MGST1: variants seen among roughly 807,000 people sequenced by gnomAD.
The protein encoded by MGST1 is microsomal glutathione S-transferase 1.
Under a neutral mutation model 8.9 loss-of-function variants are expected in MGST1, and 5 were observed. That is an observed-to-expected ratio of 0.56 (90% CI 0.29 to 1.19). The LOEUF (loss-of-function observed/expected upper bound fraction) is 1.19. Ranked by LOEUF, MGST1 falls within the 50% of genes most tolerant of loss-of-function variation. The pLI is 0.08. For synonymous variants in MGST1, 54 were observed against 67.8 expected, an observed-to-expected ratio of 0.80 and a Z score of 1.00; for missense variants, 182 against 187.4, an observed-to-expected ratio of 0.97 and a Z score of 0.17.
In MGST1 at chr12:16,389,813, G is replaced by C. The variant is rs559646666; in HGVS notation, n.778+6209G>C. Among the ~76,000 whole-genome samples the C allele has an allele frequency of 1.4e-4, 21 of 152,132 alleles. No homozygotes were observed. The highest frequency in any genetic ancestry group is 2.9e-4 in the Non-Finnish European group (20 of 68,016). Reference sequence around the variant, plus strand: ...CTGGGAGTGAGGCATGAGATCTCTCGGTAGAGGCAAAATAGAGTGATGAGA... The same window carrying C: ...CTGGGAGTGAGGCATGAGATCTCTCCGTAGAGGCAAAATAGAGTGATGAGA... On this transcript the variant is annotated intron_variant and non_coding_transcript_variant, in intron 1 of 1. Transcript: ENST00000359720. The surrounding 1 kb of genome is among the most constrained non-coding windows in gnomAD (Gnocchi z 4.6).
intron 4 of MGST1, among the ~76,000 whole-genome samples, chr12:16,539,902 G>A (rs904558537): frequency 1.3e-5 from 2 of 152,152 alleles, no homozygotes; most frequent in South Asian, 2.1e-4. Flanking sequence ...ATTTTAATCT[G>A]CAACTCCTCT....
intron 4 of MGST1, among the ~76,000 whole-genome samples, chr12:16,509,562 G>C (rs1050056331): frequency 2.1e-5 from 3 of 145,662 alleles, no homozygotes; most frequent in Non-Finnish European, 4.7e-5. Context: ...AAACTGGGTG[G>C]ACGCCAATTG....
chr12:16,406,824 A>C lies in MGST1; in HGVS notation n.778+23220A>C, dbSNP rs576329587. Among the ~76,000 whole-genome samples the C allele has an allele frequency of 5.6e-4, 86 of 152,334 alleles. 1 individual carries two copies. The highest frequency in any genetic ancestry group is 2.1e-3 in the African/African-American group (86 of 41,586). On this transcript the variant is annotated intron_variant and non_coding_transcript_variant, in intron 1 of 1. Transcript: ENST00000359720. ...TGGGAAAAGGACTCCCTATTCAGTA[A>C]ATGGTGCTGGGATAACTGGCTAGCT...
intron 1 of MGST1, among the ~76,000 whole-genome samples, chr12:16,391,797 C>G (rs1443750489): frequency 6.6e-6 from 1 of 152,118 alleles, no homozygotes; most frequent in Non-Finnish European, 1.5e-5. Context: ...CTTTTGGCAT[C>G]TTCATCATGA....
intron 4 of MGST1, among the ~76,000 whole-genome samples, chr12:16,542,612 C>G (rs1430094227): frequency 6.6e-6 from 1 of 152,066 alleles, no homozygotes; most frequent in African/African-American, 2.4e-5. Context: ...GTAAAATTTC[C>G]TCTTCTCCAT....
intron 4 of MGST1, among the ~76,000 whole-genome samples, chr12:16,477,433 G>T (rs1176833451): frequency 1.3e-5 from 2 of 152,152 alleles, no homozygotes; most frequent in Non-Finnish European, 2.9e-5. Context: ...TCCTGAGTTT[G>T]TTATTCCTTT....
intron 1 of MGST1, chr12:16,437,325 T>G (rs1940995146): frequency 6.6e-6 from 1 of 151,958 alleles, no homozygotes; most frequent in African/African-American, 2.4e-5. Context: ...AAGGAGAGAC[T>G]GAAGCATATG....
intron 4 of MGST1, among the ~76,000 whole-genome samples, chr12:16,508,399 A>G (rs976734320): frequency 1.3e-5 from 2 of 152,162 alleles, no homozygotes; most frequent in African/African-American, 4.8e-5. Context: ...CAAACTGAAT[A>G]GCGATGGTCT....
At chr12:16,353,047 A>C (rs2975151) in intron 1 of MGST1, among the ~76,000 whole-genome samples, 1 of 150,980 alleles carries the variant, frequency 6.6e-6, no homozygotes, top group Non-Finnish European at 1.5e-5. Context: ...TTTTTTTTGG[A>C]GGGGGAGACA....
intron 1 of MGST1, among the ~76,000 whole-genome samples, chr12:16,416,385 G>A (rs1344504785): frequency 6.6e-6 from 1 of 152,120 alleles, no homozygotes; most frequent in African/African-American, 2.4e-5. Context: ...TAACACTGAG[G>A]ATTGTAGTGC....
At chr12:16,374,863 G>T (rs1434611726) in intron 3 of MGST1, among the ~76,000 whole-genome samples, 11 of 152,062 alleles carry the variant, frequency 7.2e-5, no homozygotes, top group Admixed American at 7.2e-4. Context: ...GTGTATTTGT[G>T]CTTATGTTTT....
downstream of MGST1, among the ~76,000 whole-genome samples, chr12:16,378,808 C>G (rs566461387): frequency 5.3e-5 from 8 of 151,982 alleles, no homozygotes; most frequent in South Asian, 1.5e-3. Flanking sequence ...TTGTTTGTCT[C>G]CTCTTTTATT....
chr12:16,495,845 A>G (rs1329085874), intron 4 of MGST1, among the ~76,000 whole-genome samples: 1 of 152,066 alleles, frequency 6.6e-6, no homozygotes, highest in African/African-American at 2.4e-5. Flanking sequence ...TGAATACTGA[A>G]TTGATATATC....
chr12:16,492,930 C>T (rs1941448777), intron 4 of MGST1, among the ~76,000 whole-genome samples: 1 of 152,118 alleles, frequency 6.6e-6, no homozygotes, highest in Admixed American at 6.6e-5. Context: ...GAAGGAACAC[C>T]TTCTGGGCCC....
intron 4 of MGST1, among the ~76,000 whole-genome samples, chr12:16,496,273 C>G (rs1281799003): frequency 6.6e-6 from 1 of 151,936 alleles, no homozygotes; most frequent in East Asian, 1.9e-4. Flanking sequence ...GGGGAGTGCA[C>G]AGATCTAGTG....
exon 4 of MGST1, chr12:16,376,341 C>T: frequency 2.2e-6 from 1 of 456,196 alleles, no homozygotes; most frequent in South Asian, 3.9e-5. Flanking sequence ...TTAGCTATTA[C>T]TGCGGGAAGT....
At chr12:16,451,871 T>C (rs1359613788) in intron 4 of MGST1, among the ~76,000 whole-genome samples, 1 of 151,908 alleles carries the variant, frequency 6.6e-6, no homozygotes, top group Non-Finnish European at 1.5e-5. Context: ...ATTTGCCTAG[T>C]ATTTATGTTT....
chr12:16,437,054 G>GATCC (rs2137099195), intron 1 of MGST1, among the ~76,000 whole-genome samples: 1 of 152,050 alleles, frequency 6.6e-6, no homozygotes, highest in South Asian at 2.1e-4. Flanking sequence ...GGGCATAAAT[G>GATCC]ATCCAATTAG....
chr12:16,519,315 T>C lies in MGST1; in HGVS notation n.483-70213T>C, dbSNP rs116852927. On this transcript the variant is annotated intron_variant and non_coding_transcript_variant, in intron 4 of 4. Coordinates refer to the MGST1 transcript ENST00000538857. ...CACAGCCTATGTTGGTATTGTGTTTTTGTATTTGATTTTTTATCTGGCTGC... is the reference window on the plus strand; with the variant it reads ...CACAGCCTATGTTGGTATTGTGTTTCTGTATTTGATTTTTTATCTGGCTGC... 1.1e-3 allele frequency among the ~76,000 whole-genome samples: 170 copies of C among 152,330 alleles called. 3 individuals are homozygous for C. The East Asian group carries it at 0.028, about 25-fold the overall frequency.
Sources: allele counts gnomAD v4.1 joint callset (sites outside exome capture counted in the v4.1 genomes callset), GRCh38; gene constraint gnomAD v4.1.1; non-coding constraint Gnocchi (gnomAD v3.1); transcripts MANE v1.5; gene names NCBI Gene and HGNC (gene_info 2026-07-23, HGNC 2026-07-21).